Variants in SUGCT observed in about 807,000 individuals in gnomAD.
The protein encoded by SUGCT is succinyl-CoA:glutarate-CoA transferase.
A neutral mutation model predicts 55.0 loss-of-function variants in SUGCT; 41 were observed. That is an observed-to-expected ratio of 0.74 (90% confidence interval 0.58 to 0.97). SUGCT has a LOEUF of 0.97. SUGCT is among the 50% of genes least tolerant of loss of function. SUGCT has a pLI of 0.00. For synonymous variants in SUGCT, 187 were observed against 200.4 expected, an observed-to-expected ratio of 0.93 and a Z score of 0.56; for missense variants, 568 against 547.8, an observed-to-expected ratio of 1.04 and a Z score of -0.37.
chr7:40,254,861 T>A (rs1261536626), intron 7 of SUGCT, among the ~76,000 whole-genome samples: 2 of 151,950 alleles, frequency 1.3e-5, no homozygotes, highest in African/African-American at 4.8e-5. Context: ...ATGGTAATGA[T>A]CCTTTAGTTT....
At chr7:40,663,620 G>A (rs576320102) in intron 12 of SUGCT, among the ~76,000 whole-genome samples, 36 of 151,966 alleles carry the variant, frequency 2.4e-4, no homozygotes, top group African/African-American at 6.3e-4. Context: ...AATCCATCCC[G>A]TAGGCATGAC....
At chr7:40,493,466 A>G (rs1311942638) in intron 11 of SUGCT, among the ~76,000 whole-genome samples, 1 of 152,110 alleles carries the variant, frequency 6.6e-6, no homozygotes, top group Non-Finnish European at 1.5e-5. Flanking sequence ...AAAATGTTTC[A>G]TTTCTTAAGT....
intron 9 of SUGCT, among the ~76,000 whole-genome samples, chr7:40,356,995 T>C (rs746182283): frequency 4.6e-5 from 7 of 152,220 alleles, no homozygotes; most frequent in Non-Finnish European, 8.8e-5. Context: ...TCTAAACAAA[T>C]TTATTTTCTC....
chr7:40,144,001 C>A (rs149288339), intron 1 of SUGCT, among the ~76,000 whole-genome samples: 2,274 of 152,270 alleles, frequency 0.015, 50 homozygotes, highest in African/African-American at 0.053. Flanking sequence ...TAGGAAATTA[C>A]AAAAACTGGT....
chr7:40,246,935 G>C (rs1345682079), intron 7 of SUGCT, among the ~76,000 whole-genome samples: 1 of 152,116 alleles, frequency 6.6e-6, no homozygotes, highest in East Asian at 1.9e-4. Context: ...AATTTTGTGT[G>C]TATCAGTGAT....
In SUGCT at chr7:40,291,875, A is replaced by G. The variant is rs1010164333; in HGVS notation, c.720+17219A>G. On this transcript the variant is annotated intron_variant, in intron 8 of 13. Coordinates refer to ENST00000335693, the MANE Select transcript of SUGCT (RefSeq NM_001193313.2). Reference sequence around the variant, plus strand: ...AGGAATGAGGTCACACATCTAACATATGCACTCAGCCTCTAGAAGCTTAAA... The same window carrying G: ...AGGAATGAGGTCACACATCTAACATGTGCACTCAGCCTCTAGAAGCTTAAA... Among the ~76,000 whole-genome samples, 8 of 152,128 alleles carry G rather than the reference A, an allele frequency of 5.3e-5. No individual in the cohort carries two copies. In the South Asian group the frequency reaches 1.4e-3, roughly 28 times the overall value.
chr7:40,563,518 C>A (rs530236456), intron 12 of SUGCT, among the ~76,000 whole-genome samples: 29 of 145,508 alleles, frequency 2.0e-4, no homozygotes, highest in Non-Finnish European at 3.7e-4. Context: ...CCAGCCTGGA[C>A]AACATAGTGA....
rs529544985 is a variant in SUGCT, at chr7:40,224,196, G to T, written c.485-13439G>T. ...TGATCCATCTGCCAGAATGTGAGCT[G>T]CATTCATTTTGTAAAAAATGTTTGA... On this transcript the variant is annotated intron_variant, in intron 6 of 13. Transcript: ENST00000335693. Among the ~76,000 whole-genome samples, 6 of 152,238 alleles carry T rather than the reference G, an allele frequency of 3.9e-5. No individual in the cohort carries two copies. The South Asian group carries it at 1.2e-3, about 32-fold the overall frequency.
chr7:40,663,519 G>GTGTA (rs1554397800), intron 12 of SUGCT, among the ~76,000 whole-genome samples: 23 of 148,502 alleles, frequency 1.5e-4, no homozygotes, highest in Admixed American at 8.0e-4. Flanking sequence ...GTGTGTGTGT[G>GTGTA]TGTATCATTA....
chr7:40,558,990 T>A (rs995203626), intron 12 of SUGCT, among the ~76,000 whole-genome samples: 6 of 152,222 alleles, frequency 3.9e-5, no homozygotes, highest in African/African-American at 1.4e-4. Context: ...AAAAATGCTG[T>A]ATGTAAATAT....
At chr7:40,548,802 T>G (rs1306041940) in intron 12 of SUGCT, among the ~76,000 whole-genome samples, 2 of 152,196 alleles carry the variant, frequency 1.3e-5, no homozygotes. Context: ...ACAAAATAGT[T>G]TCATTCCCCT....
chr7:40,485,286 T>C (rs1376381419), intron 11 of SUGCT, among the ~76,000 whole-genome samples: 1 of 151,888 alleles, frequency 6.6e-6, no homozygotes, highest in Non-Finnish European at 1.5e-5. Flanking sequence ...TTTCCTATTA[T>C]TAGTAATATT....
chr7:40,380,340 C>A (rs1046353475), intron 9 of SUGCT, among the ~76,000 whole-genome samples: 2 of 152,168 alleles, frequency 1.3e-5, no homozygotes, highest in African/African-American at 4.8e-5. Flanking sequence ...TGGATTGCTA[C>A]AAGCCATTAC....
At chr7:40,194,899 T>A in intron 5 of SUGCT, 41 bp from the exon 6 acceptor site, 1 of 1,590,190 alleles carries the variant, frequency 6.3e-7, no homozygotes, top group Non-Finnish European at 8.6e-7. Flanking sequence ...TGTGGGGATT[T>A]GTTGAGTGGA....
the SUGCT span, among the ~76,000 whole-genome samples, chr7:40,888,063 A>G: frequency 1.3e-5 from 2 of 152,164 alleles, no homozygotes; most frequent in Non-Finnish European, 2.9e-5. Context: ...TCCAAAGCCA[A>G]TGCATTTTCT....
intron 13 of SUGCT, among the ~76,000 whole-genome samples, chr7:40,770,477 C>CCAGA (rs1789037849): frequency 6.6e-6 from 1 of 152,044 alleles, no homozygotes; most frequent in Non-Finnish European, 1.5e-5. Context: ...TATCTATGTT[C>CCAGA]CAGACAGAGG....
intron 7 of SUGCT, among the ~76,000 whole-genome samples, chr7:40,265,697 G>C (rs900850263): frequency 6.6e-6 from 1 of 152,104 alleles, no homozygotes; most frequent in African/African-American, 2.4e-5. Context: ...ACTCAGGCCT[G>C]TAATGCCAGC....
chr7:40,722,529 G>T (rs1232970024), intron 12 of SUGCT, among the ~76,000 whole-genome samples: 2 of 152,148 alleles, frequency 1.3e-5, no homozygotes, highest in African/African-American at 4.8e-5. Context: ...AAGCAGTCAA[G>T]CCAGTTGCAT....
At chr7:40,551,290 T>C (rs1295392204) in intron 12 of SUGCT, among the ~76,000 whole-genome samples, 3 of 152,232 alleles carry the variant, frequency 2.0e-5, no homozygotes, top group African/African-American at 7.2e-5. Context: ...TAAGTACGTT[T>C]CTGCTGAATA....
Sources: allele counts gnomAD v4.1 joint callset (sites outside exome capture counted in the v4.1 genomes callset), GRCh38; gene constraint gnomAD v4.1.1; transcripts MANE v1.5; gene names NCBI Gene and HGNC (gene_info 2026-07-23, HGNC 2026-07-21).